The following MRPS28 variants were observed in gnomAD, a reference collection of about 807,000 sequenced individuals.
The protein encoded by MRPS28 is mitochondrial ribosomal protein S28.
Under a neutral mutation model 10.8 loss-of-function variants are expected in MRPS28, and 7 were observed. The observed-to-expected ratio is 0.65, with a 90% CI of 0.37 to 1.22. MRPS28 has a LOEUF of 1.22. Ranked by LOEUF, MRPS28 falls within the 50% of genes most tolerant of loss-of-function variation. The probability of loss-of-function intolerance (pLI) is 0.02; values close to 1 mark genes in which losing one functional copy is unlikely to be tolerated. For synonymous variants in MRPS28, 121 were observed against 93.3 expected (o/e 1.30, Z -1.71); for missense variants, 265 against 232.9 (o/e 1.14, Z -0.90).
intron 2 of MRPS28, among the ~76,000 whole-genome samples, chr8:79,931,869 T>C (rs1027349999): frequency 6.6e-6 from 1 of 152,196 alleles, no homozygotes; most frequent in Non-Finnish European, 1.5e-5. Context: ...TTGGTGGGTA[T>C]CAATTAGCTA....
At chr8:79,977,998 A>G (rs1807848702) in intron 2 of MRPS28, among the ~76,000 whole-genome samples, 1 of 152,104 alleles carries the variant, frequency 6.6e-6, no homozygotes, top group African/African-American at 2.4e-5. Flanking sequence ...TAATTATCCA[A>G]TTTAAAAAAA....
chr8:80,006,916 T>A (rs2130179120), intron 1 of MRPS28, among the ~76,000 whole-genome samples: 1 of 152,346 alleles, frequency 6.6e-6, no homozygotes, highest in East Asian at 1.9e-4. Context: ...CCCTAACTCA[T>A]TTTATGAGGC....
intron 2 of MRPS28, among the ~76,000 whole-genome samples, chr8:79,962,218 C>T (rs1368285410): frequency 6.6e-6 from 1 of 151,916 alleles, no homozygotes; most frequent in African/African-American, 2.4e-5. Flanking sequence ...GTTGTATTTC[C>T]AGTACCGAGG....
chr8:79,951,773 GA>G (rs1191145611), intron 2 of MRPS28, among the ~76,000 whole-genome samples: 1 of 152,126 alleles, frequency 6.6e-6, no homozygotes, highest in African/African-American at 2.4e-5. Context: ...ATTAATTTTG[GA>G]TATTATGCCT....
chr8:80,016,565 A>C (rs1220325839), intron 1 of MRPS28, among the ~76,000 whole-genome samples: 1 of 152,166 alleles, frequency 6.6e-6, no homozygotes, highest in Non-Finnish European at 1.5e-5. Flanking sequence ...GAAATTCTTT[A>C]GAAAGAAGAA....
intron 2 of MRPS28, among the ~76,000 whole-genome samples, chr8:80,000,739 T>C (rs1268379946): frequency 1.3e-5 from 2 of 152,186 alleles, no homozygotes; most frequent in Non-Finnish European, 2.9e-5. Context: ...AATCTGTGAC[T>C]TAAAGCCAAG....
intron 2 of MRPS28, among the ~76,000 whole-genome samples, chr8:79,919,964 C>T (rs1456380241): frequency 1.3e-4 from 16 of 122,508 alleles, no homozygotes; most frequent in Non-Finnish European, 1.6e-4. Context: ...TAACAGGCCC[C>T]GGTGTGTGAT....
At chr8:79,968,736 C>A (rs540448413) in intron 2 of MRPS28, among the ~76,000 whole-genome samples, 1 of 151,248 alleles carries the variant, frequency 6.6e-6, no homozygotes, top group South Asian at 2.1e-4. Flanking sequence ...AAAAAAGAAT[C>A]AGTTCAATTG....
At chr8:79,995,404 T>G (rs144004513) in intron 2 of MRPS28, among the ~76,000 whole-genome samples, 2 of 152,242 alleles carry the variant, frequency 1.3e-5, no homozygotes, top group Non-Finnish European at 2.9e-5. Flanking sequence ...ACTCATTTAT[T>G]TGCAAATTCA....
At chr8:79,932,991 T>C (rs1377231122) in intron 2 of MRPS28, among the ~76,000 whole-genome samples, 2 of 152,208 alleles carry the variant, frequency 1.3e-5, no homozygotes, top group African/African-American at 4.8e-5. Context: ...CTTGGCAGGA[T>C]TGTATTCTTA....
At chr8:79,924,290 G>T (rs1000308625) in intron 2 of MRPS28, among the ~76,000 whole-genome samples, 1 of 152,138 alleles carries the variant, frequency 6.6e-6, no homozygotes, top group Non-Finnish European at 1.5e-5. Flanking sequence ...GACTACAGAA[G>T]AAAAGTTTCC....
At chr8:80,002,297 T>TA (rs567033552) in intron 2 of MRPS28, among the ~76,000 whole-genome samples, 3,284 of 151,404 alleles carry the variant, frequency 0.022, 68 homozygotes, top group Non-Finnish European at 0.035. Context: ...TATATATGAT[T>TA]AAAAAAAAAC....
At chr8:79,940,351 CA>C (rs1308945208) in intron 2 of MRPS28, among the ~76,000 whole-genome samples, 7 of 152,242 alleles carry the variant, frequency 4.6e-5, no homozygotes, top group South Asian at 2.1e-4. Context: ...AATCATTAAA[CA>C]TTTTTCATAA....
chr8:80,023,605 AC>A, intron 1 of MRPS28, among the ~76,000 whole-genome samples: 1 of 152,344 alleles, frequency 6.6e-6, no homozygotes, highest in East Asian at 1.9e-4. Context: ...ATAAGGTAAA[AC>A]TATAAACTGT....
intron 2 of MRPS28, among the ~76,000 whole-genome samples, chr8:79,996,372 C>G (rs1473917711): frequency 1.3e-5 from 2 of 152,166 alleles, no homozygotes; most frequent in Non-Finnish European, 2.9e-5. Context: ...ACTTACCATA[C>G]TATTTCCTAG....
chr8:79,983,848 C>A (rs977000754), intron 2 of MRPS28, among the ~76,000 whole-genome samples: 5 of 152,206 alleles, frequency 3.3e-5, no homozygotes, highest in Admixed American at 3.3e-4. Context: ...GGAAAACACT[C>A]TGCAGGATAT....
intron 1 of MRPS28, among the ~76,000 whole-genome samples, chr8:80,013,282 T>C (rs542338571): frequency 1.3e-5 from 2 of 152,104 alleles, no homozygotes; most frequent in African/African-American, 2.4e-5. Context: ...AAGGATTTTA[T>C]AAAACAATAC....
chr8:79,985,707 C>T (rs1262132171), intron 2 of MRPS28, among the ~76,000 whole-genome samples: 1 of 152,178 alleles, frequency 6.6e-6, no homozygotes, highest in Non-Finnish European at 1.5e-5. Flanking sequence ...ACACATACAA[C>T]CTCCCAAGAC....
At chr8:79,978,435 T>A (rs1586072429) in intron 2 of MRPS28, among the ~76,000 whole-genome samples, 1 of 152,180 alleles carries the variant, frequency 6.6e-6, no homozygotes, top group South Asian at 2.1e-4. Context: ...GATTTCATCT[T>A]CACCATGCAT....
Sources: allele counts gnomAD v4.1 joint callset (sites outside exome capture counted in the v4.1 genomes callset), GRCh38; gene constraint gnomAD v4.1.1; transcripts MANE v1.5; gene names NCBI Gene and HGNC (gene_info 2026-07-23, HGNC 2026-07-21).